The following TOM1L2 variants were observed in gnomAD, a reference collection of about 807,000 sequenced individuals.
TOM1L2 encodes target of myb1 like 2 membrane trafficking protein.
In TOM1L2, 31 loss-of-function variants were observed where a neutral mutation model predicts 67.9. The ratio of observed to expected loss-of-function variants is 0.46; its 90% CI spans 0.34 to 0.62. The LOEUF (loss-of-function observed/expected upper bound fraction) is 0.62, where lower values mean the gene tolerates loss of function less well. Among genes scored for constraint, TOM1L2 ranks in the 20% least tolerant of loss-of-function variants. TOM1L2 has a pLI of 0.01. For missense variants in TOM1L2, 606 were observed against 663.5 expected (o/e 0.91, Z 0.95); for synonymous variants, 256 against 254.0 (o/e 1.01, Z -0.07).
chr17:17,907,655 C>T (rs2039159119), intron 1 of TOM1L2, 124 bp from the exon 2 acceptor site: 1 of 776,460 alleles, frequency 1.3e-6, no homozygotes, highest in African/African-American at 1.7e-5. Context: ...CCAACAGAGC[C>T]ATTCTAGGAG....
rs146710625 is a variant in TOM1L2 at position 17,882,728 on chromosome 17, G to A, written c.637C>T (p.Pro213Ser). The change falls in exon 6 of 15, where the codon CCC (proline) becomes TCC (serine). Residue 213 changes from proline (P) to serine (S), a missense_variant. Pro to Ser is a moderately conservative substitution (Grantham distance 74). Around this residue, in one of 2 missense-constraint regions of TOM1L2, gnomAD observed 543 missense variants for 554.0 expected, o/e 0.98. Coordinates refer to ENST00000379504, the MANE Select transcript of TOM1L2 (RefSeq NM_001082968.2). ...PQAPALSVTG[P>S]ITANSEQIAR... ...ACCTGTTCTGAATTGGCTGTGATGG[G>A]GCCAGTCACACTCAGAGCTGGGGCC... 9 of 1,614,194 alleles carry A rather than the reference G, an allele frequency of 5.6e-6. No homozygotes were observed. In the South Asian group the frequency reaches 9.9e-5, roughly 18 times the overall value.
intron 1 of TOM1L2, among the ~76,000 whole-genome samples, chr17:17,932,599 A>G (rs2040377063): frequency 6.6e-6 from 1 of 152,162 alleles, no homozygotes; most frequent in Non-Finnish European, 1.5e-5. Context: ...GTTGGGGGAA[A>G]GCCAGGCCTC....
intron 1 of TOM1L2, among the ~76,000 whole-genome samples, chr17:17,938,345 C>A (rs1025124603): frequency 6.6e-6 from 1 of 152,192 alleles, no homozygotes; most frequent in East Asian, 1.9e-4. Context: ...CCTCAGCAAC[C>A]CAGAGAGCTC....
chr17:17,891,199 AG>A (rs1270036473), intron 4 of TOM1L2, among the ~76,000 whole-genome samples: 1 of 152,228 alleles, frequency 6.6e-6, no homozygotes, highest in Non-Finnish European at 1.5e-5. Flanking sequence ...CCAGACCAGC[AG>A]GGGGAGGCCT....
Position 17,882,842 on chromosome 17 carries a change from C to T in TOM1L2, c.523G>A (p.Ala175Thr). ...GATTGGGACCTGGGCATGGTCGCAG[C>T]TGGATCCACTTCAGGGACACTCTGG... The part of the protein sequence containing the change: ...PQRSVPEVDP[A>T]ATMPRSQSQQ... The change falls in exon 6 of 15, where the codon GCT becomes ACT. Residue 175 changes from alanine to threonine, a missense_variant. Ala to Thr is a moderately conservative substitution (Grantham distance 58, BLOSUM62 0). Coordinates refer to ENST00000379504, the MANE Select transcript of TOM1L2 (RefSeq NM_001082968.2). The T allele has an allele frequency of 1.2e-6, 2 of 1,614,152 alleles. No individual in the cohort carries two copies. The highest frequency in any genetic ancestry group is 1.7e-6 in the Non-Finnish European group (2 of 1,180,028).
intron 1 of TOM1L2, among the ~76,000 whole-genome samples, chr17:17,912,034 A>G (rs1225796929): frequency 4.8e-5 from 7 of 146,874 alleles, no homozygotes; most frequent in Non-Finnish European, 1.1e-4. Flanking sequence ...AACAAAATGA[A>G]AAGTCTCCCA....
At chr17:17,869,269 G>C in intron 8 of TOM1L2, 71 bp downstream of exon 8, 1 of 1,583,670 alleles carries the variant, frequency 6.3e-7, no homozygotes, top group South Asian at 1.1e-5. Context: ...CTTTGTTTAT[G>C]AAAGAAATCC....
chr17:17,944,610 C>T (rs774525826), intron 1 of TOM1L2, among the ~76,000 whole-genome samples: 2 of 152,142 alleles, frequency 1.3e-5, no homozygotes, highest in Non-Finnish European at 2.9e-5. Flanking sequence ...GTTATTCTCC[C>T]CAAAGCACCA....
intron 1 of TOM1L2, among the ~76,000 whole-genome samples, chr17:17,956,263 G>A (rs1032816696): frequency 6.6e-6 from 1 of 152,202 alleles, no homozygotes; most frequent in Non-Finnish European, 1.5e-5. Flanking sequence ...CCCTGAGCTA[G>A]ACACAAAGAT....
At chr17:17,873,368 AC>A (rs1280033330) in intron 7 of TOM1L2, among the ~76,000 whole-genome samples, 2 of 151,176 alleles carry the variant, frequency 1.3e-5, no homozygotes, top group Non-Finnish European at 1.5e-5. Flanking sequence ...ATCTCCCACC[AC>A]CCCACCCTCC....
In TOM1L2 at chr17:17,898,643, G is replaced by T. The variant is rs867464276; in HGVS notation, c.169C>A (p.Arg57=). Residue 57 remains arginine (R), a synonymous_variant, in exon 3 of 15, where the codon CGG becomes AGG. Transcript: ENST00000379504. ...PKDAIRALKK[R]LNGNRNYREV... is the part of the protein sequence containing the mutation. Reference sequence around the variant, plus strand: ...CTGTAGTTCCGGTTCCCGTTGAGCCGCTTCTTCAGGGCTCGAATGGCATCC... The same window carrying T: ...CTGTAGTTCCGGTTCCCGTTGAGCCTCTTCTTCAGGGCTCGAATGGCATCC... 1 of 1,614,040 alleles carries T rather than the reference G, an allele frequency of 6.2e-7. No individual in the cohort carries two copies. The highest frequency in any genetic ancestry group is 2.2e-5 in the East Asian group (1 of 44,900).
At chr17:17,958,089 C>CAAA (rs777316694) in intron 1 of TOM1L2, among the ~76,000 whole-genome samples, 5 of 111,264 alleles carry the variant, frequency 4.5e-5, no homozygotes, top group Non-Finnish European at 9.2e-5. Flanking sequence ...GACTCTGTCT[C>CAAA]AAAAAAAAAA....
At position 17,882,759 on chromosome 17, in the gene TOM1L2, T is replaced by C. The variant is rs1331736510; in HGVS notation, c.606A>G (p.Ala202=). ...YSSPPPAPYS[A]PQAPALSVTG... The stretch of plus-strand genomic sequence containing the variant: ...TCACACTCAGAGCTGGGGCCTGCGG[T>C]GCGGAGTAGGGAGCAGGAGGCGGCG... The change falls in exon 6 of 15, where the codon GCA becomes GCG. Residue 202 remains alanine (A), a synonymous_variant. Coordinates refer to ENST00000379504, the MANE Select transcript of TOM1L2 (RefSeq NM_001082968.2). 2 of 1,614,116 alleles carry C rather than the reference T, an allele frequency of 1.2e-6. No individual in the cohort carries two copies. The highest frequency in any genetic ancestry group is 1.3e-5 in the African/African-American group (1 of 75,036).
At chr17:17,946,522 T>C (rs981736251) in intron 1 of TOM1L2, among the ~76,000 whole-genome samples, 2 of 152,226 alleles carry the variant, frequency 1.3e-5, no homozygotes, top group Non-Finnish European at 2.9e-5. Flanking sequence ...CCCAATTCTA[T>C]TTTTTATTAG....
chr17:17,965,053 C>T (rs2041826608), intron 1 of TOM1L2, among the ~76,000 whole-genome samples: 1 of 152,146 alleles, frequency 6.6e-6, no homozygotes, highest in Non-Finnish European at 1.5e-5. Context: ...AGACAGTGTC[C>T]CTACCCTTGA....
chr17:17,928,207 C>T (rs974473866), intron 1 of TOM1L2, among the ~76,000 whole-genome samples: 4 of 151,826 alleles, frequency 2.6e-5, no homozygotes, highest in African/African-American at 9.7e-5. Flanking sequence ...AACTTTGACC[C>T]GGCAATAGCC....
chr17:17,915,679 A>G (rs1266601400), intron 1 of TOM1L2, among the ~76,000 whole-genome samples: 5 of 151,934 alleles, frequency 3.3e-5, no homozygotes, highest in Non-Finnish European at 7.4e-5. Context: ...CCACAACTAG[A>G]TAATTTTCTT....
intron 1 of TOM1L2, among the ~76,000 whole-genome samples, chr17:17,945,290 ACT>A (rs945614441): frequency 2.9e-4 from 43 of 146,392 alleles, no homozygotes; most frequent in Non-Finnish European, 3.9e-4. Context: ...ACACACACAC[ACT>A]CTCTCTCTCT....
At chr17:17,958,197 AAACG>A (rs1489057404) in intron 1 of TOM1L2, among the ~76,000 whole-genome samples, 2 of 151,852 alleles carry the variant, frequency 1.3e-5, no homozygotes, top group Admixed American at 6.6e-5. Context: ...TCTTCAAAAC[AAACG>A]AACGAACAAA....
Sources: allele counts gnomAD v4.1 joint callset (sites outside exome capture counted in the v4.1 genomes callset), GRCh38; gene constraint gnomAD v4.1.1; regional missense constraint gnomAD v4.1.1; transcripts MANE v1.5; gene names NCBI Gene and HGNC (gene_info 2026-07-23, HGNC 2026-07-21).